Variants in TBC1D15 observed in about 807,000 individuals in gnomAD.
TBC1D15 encodes GAP for RAB7.
In TBC1D15, 39 loss-of-function variants were observed where a neutral mutation model predicts 95.4. The ratio of observed to expected loss-of-function variants is 0.41; its 90% CI spans 0.32 to 0.53. The LOEUF (loss-of-function observed/expected upper bound fraction) is 0.53, where lower values mean the gene tolerates loss of function less well. Among genes scored for constraint, TBC1D15 ranks in the 20% least tolerant of loss-of-function variants. The pLI, the probability that TBC1D15 is intolerant of heterozygous loss-of-function variation, is 0.29. For missense variants in TBC1D15, 733 were observed against 794.3 expected, an observed-to-expected ratio of 0.92 and a Z score of 0.93; for synonymous variants, 258 against 261.3, an observed-to-expected ratio of 0.99 and a Z score of 0.12.
intron 3 of TBC1D15, among the ~76,000 whole-genome samples, chr12:71,880,050 T>C (rs951636323): frequency 2.6e-5 from 4 of 152,238 alleles, no homozygotes; most frequent in African/African-American, 9.6e-5. Flanking sequence ...CATTGATGGC[T>C]TAAATAGCCA....
At chr12:71,887,646 T>C (rs1440403389) in intron 5 of TBC1D15, among the ~76,000 whole-genome samples, 1 of 152,178 alleles carries the variant, frequency 6.6e-6, no homozygotes, top group East Asian at 1.9e-4. Context: ...TTAATGTCAC[T>C]TCCTCAGAGG....
intron 5 of TBC1D15, among the ~76,000 whole-genome samples, chr12:71,886,955 A>G (rs1271160668): frequency 1.3e-5 from 2 of 152,140 alleles, no homozygotes; most frequent in Non-Finnish European, 2.9e-5. Context: ...ATCTAGGATG[A>G]GGGAGGTGGT....
At chr12:71,849,609 G>A (rs1268194422) in intron 1 of TBC1D15, 5 of 609,570 alleles carry the variant, frequency 8.2e-6, no homozygotes, top group South Asian at 1.6e-5. Context: ...AGTCAGTACC[G>A]TAAGCTCCTA....
intron 1 of TBC1D15, among the ~76,000 whole-genome samples, chr12:71,863,542 T>G (rs1890840078): frequency 6.6e-6 from 1 of 152,204 alleles, no homozygotes; most frequent in South Asian, 2.1e-4. Flanking sequence ...TTTGGGGACT[T>G]GTGAGCTTTC....
intron 1 of TBC1D15, chr12:71,854,910 A>G: frequency 2.2e-6 from 1 of 453,932 alleles, no homozygotes; most frequent in Non-Finnish European, 4.4e-6. Flanking sequence ...AAATTCCTTC[A>G]GTACCCTTGA....
At chr12:71,855,356 T>C (rs1888788768) in intron 1 of TBC1D15, among the ~76,000 whole-genome samples, 1 of 152,172 alleles carries the variant, frequency 6.6e-6, no homozygotes, top group Non-Finnish European at 1.5e-5. Context: ...GCATTTTTGT[T>C]GTAAAAATTC....
intron 11 of TBC1D15, among the ~76,000 whole-genome samples, chr12:71,910,980 C>A (rs1239460781): frequency 6.6e-6 from 1 of 152,150 alleles, no homozygotes; most frequent in African/African-American, 2.4e-5. Context: ...ACAGACACTT[C>A]TCAAAAGAAG....
intron 1 of TBC1D15, among the ~76,000 whole-genome samples, chr12:71,866,232 A>AT (rs1389400378): frequency 6.6e-6 from 1 of 152,128 alleles, no homozygotes; most frequent in African/African-American, 2.4e-5. Context: ...AGCAATACAC[A>AT]TTCTGCCACA....
intron 3 of TBC1D15, among the ~76,000 whole-genome samples, chr12:71,877,496 T>TTTCC (rs200912836): frequency 0.083 from 7,306 of 88,552 alleles, 455 homozygotes; most frequent in Non-Finnish European, 0.097. Context: ...CTTTCCTGTT[T>TTTCC]TTCCTTCCTT....
At chr12:71,922,855 T>G in intron 16 of TBC1D15, 128 bp from the exon 17 acceptor site, 1 of 872,492 alleles carries the variant, frequency 1.1e-6, no homozygotes, top group Non-Finnish European at 1.8e-6. Context: ...GAAGGGTACA[T>G]GACATTTACA....
At chr12:71,864,456 T>C (rs1331550999) in intron 1 of TBC1D15, among the ~76,000 whole-genome samples, 2 of 152,106 alleles carry the variant, frequency 1.3e-5, no homozygotes, top group African/African-American at 4.8e-5. Flanking sequence ...GAGTGGCTTT[T>C]ATAGAGAATG....
intron 3 of TBC1D15, among the ~76,000 whole-genome samples, chr12:71,878,512 G>A (rs1481280097): frequency 6.6e-6 from 1 of 150,624 alleles, no homozygotes; most frequent in South Asian, 2.1e-4. Context: ...AGGGATGGTG[G>A]TGAGGGTTTT....
Position 71,880,608 on chromosome 12 carries a change from G to T in TBC1D15, c.343+1G>T. 1 of 1,599,102 alleles carries T rather than the reference G, an allele frequency of 6.3e-7. No homozygotes were observed. Among genetic ancestry groups the T allele is most frequent in the Non-Finnish European group, 8.5e-7 (1 of 1,174,614 alleles). On this transcript the variant is annotated splice_donor_variant, in intron 4 of 16. Transcript: ENST00000485960. LOFTEE classifies it high-confidence loss of function. Reference sequence around the variant, plus strand: ...AAAAGGAAACCACATACCAATGGAGGTATGAATTAAATCTTTTGAAATCTT... The same window carrying T: ...AAAAGGAAACCACATACCAATGGAGTTATGAATTAAATCTTTTGAAATCTT...
intron 1 of TBC1D15, among the ~76,000 whole-genome samples, chr12:71,845,543 T>G (rs974203278): frequency 2.0e-5 from 3 of 152,214 alleles, no homozygotes; most frequent in African/African-American, 4.8e-5. Context: ...TTAAGATGCC[T>G]TATTGAAATG....
intron 1 of TBC1D15, among the ~76,000 whole-genome samples, chr12:71,843,360 A>G (rs747425723): frequency 1.3e-5 from 2 of 151,870 alleles, no homozygotes; most frequent in Non-Finnish European, 2.9e-5. Flanking sequence ...GTAACAATTT[A>G]TTTTGTAGCT....
At chr12:71,854,585 C>T (rs1211132507) in intron 1 of TBC1D15, 2 of 456,626 alleles carry the variant, frequency 4.4e-6, no homozygotes, top group Non-Finnish European at 8.8e-6. Context: ...GCAAGATATT[C>T]AAGAATTTTA....
chr12:71,880,288 T>C (rs1894865509), intron 3 of TBC1D15, among the ~76,000 whole-genome samples, 181 bp from the exon 4 acceptor site: 1 of 146,338 alleles, frequency 6.8e-6, no homozygotes, highest in African/African-American at 2.7e-5. Flanking sequence ...CAAGCTTCTC[T>C]TCCTTTTTTT....
chr12:71,891,825 T>C (rs1897251867), intron 5 of TBC1D15, among the ~76,000 whole-genome samples: 1 of 152,154 alleles, frequency 6.6e-6, no homozygotes, highest in Non-Finnish European at 1.5e-5. Context: ...TATGGAGCCA[T>C]AGAGTTATCT....
At chr12:71,868,448 G>A (rs186796547) in intron 1 of TBC1D15, among the ~76,000 whole-genome samples, 43 of 152,056 alleles carry the variant, frequency 2.8e-4, no homozygotes, top group East Asian at 3.9e-4. Context: ...AGGTTTCACC[G>A]TGTTAGCCAG....
Sources: allele counts gnomAD v4.1 joint callset (sites outside exome capture counted in the v4.1 genomes callset), GRCh38; gene constraint gnomAD v4.1.1; transcripts MANE v1.5; gene names NCBI Gene and HGNC (gene_info 2026-07-23, HGNC 2026-07-21).